MAPK8IP3: variants seen among roughly 807,000 people sequenced by gnomAD.
The protein encoded by MAPK8IP3 is C-Jun-amino-terminal kinase-interacting protein 3.
In MAPK8IP3, 49 loss-of-function variants were observed where a neutral mutation model predicts 157.8. That is an observed-to-expected ratio of 0.31 (90% CI 0.25 to 0.39). The LOEUF (loss-of-function observed/expected upper bound fraction) is 0.39, where lower values mean the gene tolerates loss of function less well. MAPK8IP3 is among the 10% of genes least tolerant of loss of function. The pLI, the probability that MAPK8IP3 is intolerant of heterozygous loss-of-function variation, is 1.00. For missense variants in MAPK8IP3, 1,478 were observed against 1,889.4 expected, an observed-to-expected ratio of 0.78 and a Z score of 4.04; for synonymous variants, 897 against 777.7, an observed-to-expected ratio of 1.15 and a Z score of -2.55.
Position 1,763,798 on chromosome 16 carries a change from T to C in MAPK8IP3, c.2025+15T>C, listed in dbSNP as rs765744727. 15 of 1,251,642 alleles carry C rather than the reference T, an allele frequency of 1.2e-5. No homozygotes were observed. Among genetic ancestry groups the C allele is most frequent in the Middle Eastern group, 2.3e-4 (1 of 4,396 alleles). The allele number at this position is 1,251,642 out of a possible 1,614,324, so 77.5% of individuals were successfully genotyped here. ...AGTACAAGCAGGTGCGGGCGGGCGC[T>C]GCGGGGACCGGGCGGGGCCCCGCAG... On this transcript the variant is annotated intron_variant, in intron 17 of 31. Transcript: ENST00000610761.
At chr16:1,731,953 C>T (rs2039342325) in intron 4 of MAPK8IP3, among the ~76,000 whole-genome samples, 1 of 152,096 alleles carries the variant, frequency 6.6e-6, no homozygotes, top group South Asian at 2.1e-4. Flanking sequence ...GGTGGGTTTC[C>T]AGGGCTCGGT....
At chr16:1,735,925 C>T (rs1312818617) in intron 4 of MAPK8IP3, among the ~76,000 whole-genome samples, 3 of 128,644 alleles carry the variant, frequency 2.3e-5, no homozygotes, top group Non-Finnish European at 3.2e-5. Context: ...CATCCGTGAG[C>T]ATCCGTGTGA....
At chr16:1,758,003 C>T (rs1436462773) in intron 8 of MAPK8IP3, 145 bp from the exon 9 acceptor site, 3 of 800,642 alleles carry the variant, frequency 3.7e-6, no homozygotes, top group Non-Finnish European at 6.2e-6. Context: ...CTGGAGGCTG[C>T]TCCCTCTCTC....
At position 1,716,310 on chromosome 16, in the gene MAPK8IP3, C is replaced by CTT. The variant is rs1195691751; in HGVS notation, c.319-8231_319-8230dup. The stretch of plus-strand genomic sequence containing the variant: ...AAGACCCTATGCTCTCAGGTCATTT[C>CTT]TTTTTTTTTTTTTTTTTGAGACAGA... On this transcript the variant is annotated intron_variant, in intron 1 of 31. Coordinates refer to ENST00000610761, the MANE Select transcript of MAPK8IP3 (RefSeq NM_001318852.2). 7.3e-3 allele frequency among the ~76,000 whole-genome samples: 952 copies of CTT among 129,542 alleles called. 10 individuals are homozygous for CTT. The highest frequency in any genetic ancestry group is 0.015 in the African/African-American group (535 of 34,766). The allele number at this position is 129,542 out of a possible 152,430, so 85.0% of individuals were successfully genotyped here. A position where few individuals can be genotyped will look rare whatever the true frequency, so the allele number is the denominator to read the frequency against.
At chr16:1,709,390 G>A (rs1471616554) in intron 1 of MAPK8IP3, among the ~76,000 whole-genome samples, 1 of 152,224 alleles carries the variant, frequency 6.6e-6, no homozygotes, top group East Asian at 1.9e-4. Context: ...TCGCTGGGCT[G>A]CAGTGGCCGC....
rs776961443 is a variant in MAPK8IP3, at chr16:1,767,143, C to T, written c.3089-6C>T. On this transcript the variant is annotated splice_polypyrimidine_tract_variant and splice_region_variant and intron_variant, in intron 25 of 31. Coordinates refer to ENST00000610761, the MANE Select transcript of MAPK8IP3 (RefSeq NM_001318852.2). ...GGCCTGAGCAGGTGTCCGGGGCTCC[C>T]TCCAGATGGCCAGTGGGATCTGAGC... is the stretch of plus-strand genomic sequence containing the variant. 12 of 1,612,816 alleles carry T rather than the reference C, an allele frequency of 7.4e-6. No homozygotes were observed. The highest frequency in any genetic ancestry group is 1.6e-4 in the Middle Eastern group (1 of 6,082).
intron 5 of MAPK8IP3, chr16:1,744,818 T>A (rs1319200658): frequency 2.0e-6 from 2 of 985,268 alleles, no homozygotes; most frequent in African/African-American, 3.5e-5. Flanking sequence ...TTTTATGTTT[T>A]CGTTCATAGG....
chr16:1,760,343 G>T, intron 11 of MAPK8IP3, 37 bp from the exon 12 acceptor site: 1 of 1,591,222 alleles, frequency 6.3e-7, no homozygotes. Flanking sequence ...CCTGTATGCC[G>T]CGCCCGTGGC....
In MAPK8IP3 at chr16:1,767,370, CG is replaced by C. The variant is rs1297359233; in HGVS notation, c.3237+75del. ...CAGCAGCTCTCCCGCATCTTCCATA[CG>C]GAAGTCCACGAGGCCCTACGTGGGT... On this transcript the variant is annotated intron_variant, in intron 26 of 31. Coordinates refer to ENST00000610761, the MANE Select transcript of MAPK8IP3 (RefSeq NM_001318852.2). 3.8e-6 allele frequency: 6 copies of C among 1,588,206 alleles called. No individual in the cohort carries two copies. In the African/African-American group the frequency reaches 5.4e-5, roughly 14 times the overall value.
At chr16:1,737,255 C>T (rs1182744286) in intron 4 of MAPK8IP3, among the ~76,000 whole-genome samples, 2 of 82,074 alleles carry the variant, frequency 2.4e-5, no homozygotes, top group African/African-American at 5.7e-5. Flanking sequence ...ACCGTGTGAG[C>T]GTCCGTGTGA....
At chr16:1,712,825 C>T (rs574148345) in intron 1 of MAPK8IP3, among the ~76,000 whole-genome samples, 81 of 152,348 alleles carry the variant, frequency 5.3e-4, no homozygotes, top group Non-Finnish European at 9.6e-4. Flanking sequence ...TGTCTGCCTC[C>T]GCAGTGCACC....
chr16:1,763,901 G>A, intron 17 of MAPK8IP3, 118 bp downstream of exon 17: 1 of 1,006,408 alleles, frequency 9.9e-7, no homozygotes, highest in Non-Finnish European at 1.4e-6. Flanking sequence ...GGAGAGGACG[G>A]CGGGTGGGGC....
chr16:1,738,310 G>A (rs1199564746), intron 4 of MAPK8IP3, among the ~76,000 whole-genome samples: 9 of 92,930 alleles, frequency 9.7e-5, no homozygotes, highest in South Asian at 7.1e-4. Flanking sequence ...CTGTGTGACC[G>A]TCCGTGTGAG....
intron 2 of MAPK8IP3, 113 bp from the exon 3 acceptor site, chr16:1,729,025 G>A: frequency 9.9e-7 from 1 of 1,009,696 alleles, no homozygotes. Flanking sequence ...GTTGCCTCAG[G>A]ACCCAGAGTC....
At chr16:1,739,094 ATC>A (rs1255011746) in intron 4 of MAPK8IP3, among the ~76,000 whole-genome samples, 13 of 108,058 alleles carry the variant, frequency 1.2e-4, no homozygotes, top group East Asian at 9.8e-4. Context: ...CCATGTGAGC[ATC>A]TGTGTGACCG....
At chr16:1,767,942 G>A (rs926828684) in intron 28 of MAPK8IP3, 24 bp downstream of exon 28, 2 of 1,604,852 alleles carry the variant, frequency 1.2e-6, no homozygotes, top group Non-Finnish European at 1.7e-6. Context: ...ACACCTGCAG[G>A]GGCAGTGGTG....
At chr16:1,745,122 GAGTGTCCCATGGGT>G (rs2040887328) in intron 5 of MAPK8IP3, 1 of 985,356 alleles carries the variant, frequency 1.0e-6, no homozygotes, top group Non-Finnish European at 1.2e-6. Context: ...TGGCCAGGGG[GAGTGTCCCATGGGT>G]AAGTGGTGGC....
chr16:1,745,745 G>C (rs1207434834), intron 5 of MAPK8IP3: 1 of 152,276 alleles, frequency 6.6e-6, no homozygotes, highest in East Asian at 1.9e-4. Context: ...GCCCAACTGA[G>C]AATAGCTACT....
At position 1,768,717 on chromosome 16, in the gene MAPK8IP3, G is replaced by A. The variant is rs1446672269; in HGVS notation, c.3907G>A (p.Asp1303Asn). 9 of 1,612,486 alleles carry A rather than the reference G, an allele frequency of 5.6e-6. No homozygotes were observed. Among genetic ancestry groups the A allele is most frequent in the Middle Eastern group, 1.7e-4 (1 of 6,016 alleles). The stretch of plus-strand genomic sequence containing the variant: ...TTTGCCCGCAGGAGACGGAGAGGAC[G>A]ACGAGACGGAGGAGGGCGCAGGGGA... ...IDFRIGDGED[D>N]ETEEGAGDMS... is the part of the protein sequence containing the mutation. Residue 1303 changes from aspartate (D) to asparagine (N), a missense_variant, in exon 32 of 32, where the codon GAC becomes AAC. Physicochemically the swap from Asp to Asn is conservative, Grantham distance 23 (BLOSUM62 1). Coordinates refer to ENST00000610761, the MANE Select transcript of MAPK8IP3 (RefSeq NM_001318852.2).
Sources: gnomAD v4.1 joint callset for allele counts (sites outside exome capture counted in the v4.1 genomes callset) on GRCh38, gnomAD v4.1.1 for gene constraint, MANE v1.5 for transcripts, NCBI Gene and HGNC (gene_info 2026-07-23, HGNC 2026-07-21) for gene names.